Variants in SLC24A2 observed in about 807,000 individuals in gnomAD.
SLC24A2 encodes sodium/potassium/calcium exchanger 2.
A neutral mutation model predicts 62.0 loss-of-function variants in SLC24A2; 36 were observed. The observed-to-expected ratio is 0.58, with a 90% CI of 0.44 to 0.77. The LOEUF is 0.77. Among genes scored for constraint, SLC24A2 ranks in the 30% least tolerant of loss-of-function variants. The pLI, the probability that SLC24A2 is intolerant of heterozygous loss-of-function variation, is 0.00. For missense variants in SLC24A2, 846 were observed against 817.9 expected, an observed-to-expected ratio of 1.03 and a Z score of -0.42; for synonymous variants, 358 against 294.0, an observed-to-expected ratio of 1.22 and a Z score of -2.23.
At chr9:19,622,907 T>C (rs1010734921) in intron 2 of SLC24A2, among the ~76,000 whole-genome samples, 1 of 152,158 alleles carries the variant, frequency 6.6e-6, no homozygotes, top group Non-Finnish European at 1.5e-5. Flanking sequence ...CATTAAAGAC[T>C]AGGATCATCC....
chr9:19,920,954 T>C, the SLC24A2 span, among the ~76,000 whole-genome samples: 1 of 152,102 alleles, frequency 6.6e-6, no homozygotes, highest in African/African-American at 2.4e-5. Context: ...AGTTCCCTCA[T>C]CTATAAAATA....
the SLC24A2 span, among the ~76,000 whole-genome samples, chr9:19,819,276 G>C: frequency 3.9e-5 from 6 of 152,126 alleles, no homozygotes; most frequent in African/African-American, 1.4e-4. Flanking sequence ...AACCCTCCTA[G>C]ACATTGGCTT....
chr9:19,546,319 C>T (rs1219497877), intron 8 of SLC24A2, among the ~76,000 whole-genome samples: 2 of 152,224 alleles, frequency 1.3e-5, no homozygotes, highest in Admixed American at 6.5e-5. Flanking sequence ...TGCTCTGTCC[C>T]AGGGAGATGG....
intron 8 of SLC24A2, among the ~76,000 whole-genome samples, chr9:19,535,817 G>A (rs1214343737): frequency 6.6e-6 from 1 of 152,122 alleles, no homozygotes; most frequent in Non-Finnish European, 1.5e-5. Flanking sequence ...GATTGCCTTG[G>A]CTATACAGGC....
the SLC24A2 span, among the ~76,000 whole-genome samples, chr9:20,120,512 A>T: frequency 6.6e-6 from 1 of 152,144 alleles, no homozygotes; most frequent in Non-Finnish European, 1.5e-5. Context: ...GTATACATGG[A>T]CACAAAGAAG....
At chr9:19,746,529 A>T (rs1313075563) in intron 2 of SLC24A2, among the ~76,000 whole-genome samples, 1 of 152,190 alleles carries the variant, frequency 6.6e-6, no homozygotes, top group Non-Finnish European at 1.5e-5. Flanking sequence ...TAGGGTGTCA[A>T]TAAAATTGAT....
At chr9:19,861,748 A>G in the SLC24A2 span, among the ~76,000 whole-genome samples, 3 of 152,152 alleles carry the variant, frequency 2.0e-5, no homozygotes, top group African/African-American at 7.2e-5. Flanking sequence ...GAAATAATTA[A>G]AAGGAATCAA....
the SLC24A2 span, among the ~76,000 whole-genome samples, chr9:19,882,476 G>T: frequency 6.6e-6 from 1 of 150,840 alleles, no homozygotes; most frequent in Non-Finnish European, 1.5e-5. Flanking sequence ...GTGACTGATA[G>T]CTCATAAAAC....
chr9:19,985,341 C>T, the SLC24A2 span, among the ~76,000 whole-genome samples: 8 of 152,196 alleles, frequency 5.3e-5, no homozygotes, highest in African/African-American at 1.9e-4. Flanking sequence ...AACAAAAGTC[C>T]ATTGACAAGG....
the SLC24A2 span, among the ~76,000 whole-genome samples, chr9:19,804,719 A>C: frequency 6.6e-6 from 1 of 152,066 alleles, no homozygotes; most frequent in Non-Finnish European, 1.5e-5. Context: ...TCTCAGGGGG[A>C]AGGCATTCAA....
the SLC24A2 span, among the ~76,000 whole-genome samples, chr9:20,205,670 A>C: frequency 4.7e-5 from 7 of 149,362 alleles, no homozygotes; most frequent in Admixed American, 2.7e-4. Context: ...AAAAAAAAAA[A>C]AAAACAAACA....
chr9:19,549,047 G>T (rs1306003910), intron 8 of SLC24A2, among the ~76,000 whole-genome samples: 1 of 152,220 alleles, frequency 6.6e-6, no homozygotes, highest in Non-Finnish European at 1.5e-5. Flanking sequence ...ACAACAGTGG[G>T]TGGGTGTATT....
chr9:19,828,214 C>G, the SLC24A2 span, among the ~76,000 whole-genome samples: 1 of 151,872 alleles, frequency 6.6e-6, no homozygotes, highest in Non-Finnish European at 1.5e-5. Context: ...ATCTAGTATT[C>G]AGTAGCACAA....
At position 19,509,704 on chromosome 9, in the gene SLC24A2, C is replaced by CT. The variant is rs953437924; in HGVS notation, c.*6448dup. On this transcript the variant is annotated 3_prime_UTR_variant, in exon 11 of 11. Transcript: ENST00000341998. ...AAATAATTTTATTCAGGATTTCAGA[C>CT]TTTTTTTACTTTTCTGTTTTTTATG... 6.6e-6 allele frequency: 1 copy of CT among 152,152 alleles called. No homozygotes were observed. The highest frequency in any genetic ancestry group is 2.1e-4 in the South Asian group (1 of 4,814). 9.4% of individuals were successfully genotyped at this position (152,152 alleles called of 1,614,324 possible). A position where few individuals can be genotyped will look rare whatever the true frequency, so the allele number is the denominator to read the frequency against.
chr9:19,544,080 C>G (rs1319099928), intron 8 of SLC24A2, among the ~76,000 whole-genome samples: 1 of 152,068 alleles, frequency 6.6e-6, no homozygotes, highest in Non-Finnish European at 1.5e-5. Flanking sequence ...CTTTGTGGAT[C>G]TCTAAGAACT....
chr9:20,167,204 G>T, the SLC24A2 span, among the ~76,000 whole-genome samples: 5 of 152,068 alleles, frequency 3.3e-5, no homozygotes, highest in Admixed American at 1.3e-4. Flanking sequence ...AAAAGACTTT[G>T]ACTGTATACA....
chr9:20,086,580 C>T, the SLC24A2 span, among the ~76,000 whole-genome samples: 20 of 152,240 alleles, frequency 1.3e-4, no homozygotes, highest in African/African-American at 4.8e-4. Flanking sequence ...TTGATAAACA[C>T]TACTCTGGCT....
chr9:19,695,700 AAAAC>A (rs1238718533), intron 2 of SLC24A2, among the ~76,000 whole-genome samples: 6 of 150,934 alleles, frequency 4.0e-5, no homozygotes, highest in African/African-American at 1.5e-4. Context: ...AAAAAAAAAA[AAAAC>A]CTAGAAAAAA....
At chr9:20,177,172 C>T in the SLC24A2 span, among the ~76,000 whole-genome samples, 3 of 151,988 alleles carry the variant, frequency 2.0e-5, no homozygotes, top group Non-Finnish European at 4.4e-5. Flanking sequence ...TTGATATAGG[C>T]CATTTGTTAA....
Sources: allele counts gnomAD v4.1 joint callset (sites outside exome capture counted in the v4.1 genomes callset), GRCh38; gene constraint gnomAD v4.1.1; transcripts MANE v1.5; gene names NCBI Gene and HGNC (gene_info 2026-07-23, HGNC 2026-07-21).